Variants in SCN7A observed in about 807,000 individuals in gnomAD.
SCN7A encodes sodium voltage-gated channel alpha subunit 7.
A neutral mutation model predicts 155.2 loss-of-function variants in SCN7A; 138 were observed. The observed-to-expected ratio is 0.89, with a 90% CI of 0.77 to 1.02. The LOEUF is 1.02. SCN7A is among the 50% of genes least tolerant of loss of function. The pLI is 0.00. For synonymous variants in SCN7A, 693 were observed against 649.0 expected (o/e 1.07, Z -1.03); for missense variants, 2,058 against 1,986.6 (o/e 1.04, Z -0.68).
At chr2:166,493,586 C>G (rs1683162748) in intron 1 of SCN7A, among the ~76,000 whole-genome samples, 2 of 152,188 alleles carry the variant, frequency 1.3e-5, no homozygotes, top group African/African-American at 4.8e-5. Flanking sequence ...AGATAGGATT[C>G]TTAGAAGAAG....
chr2:166,480,852 A>G (rs1337317699), intron 2 of SCN7A, among the ~76,000 whole-genome samples: 2 of 152,308 alleles, frequency 1.3e-5, no homozygotes, highest in Non-Finnish European at 2.9e-5. Context: ...TTTTACGTGA[A>G]CCAATCCTAT....
chr2:166,439,921 C>A (rs1575027845), intron 15 of SCN7A, among the ~76,000 whole-genome samples: 1 of 152,062 alleles, frequency 6.6e-6, no homozygotes, highest in Non-Finnish European at 1.5e-5. Context: ...TGAGTCTAAC[C>A]TGCGATTTTT....
chr2:166,405,774 T>A lies in SCN7A; in HGVS notation c.4855A>T (p.Thr1619Ser). 6 of 1,613,002 alleles carry A rather than the reference T, an allele frequency of 3.7e-6. No individual in the cohort carries two copies. Among genetic ancestry groups the A allele is most frequent in the Non-Finnish European group, 4.2e-6 (5 of 1,179,354 alleles). Residue 1619 changes from threonine (T) to serine (S), a missense_variant, in exon 26 of 26, where the codon ACT becomes TCT. Coordinates refer to ENST00000643258, the MANE Select transcript of SCN7A (RefSeq NM_002976.4). ...FKITCEPITT[T>S]LKRKQEAVSA... Reference sequence around the variant, plus strand: ...ACTGCCTCTTGTTTTCGTTTCAAAGTAGTCGTAATTGGCTCACATGTGATC... The same window carrying A: ...ACTGCCTCTTGTTTTCGTTTCAAAGAAGTCGTAATTGGCTCACATGTGATC...
At chr2:166,408,428 A>C (rs1275331964) in intron 25 of SCN7A, among the ~76,000 whole-genome samples, 2 of 152,000 alleles carry the variant, frequency 1.3e-5, no homozygotes, top group Non-Finnish European at 2.9e-5. Context: ...CTACATTTAT[A>C]ATCACATTCT....
chr2:166,439,257 G>C (rs1199365698), intron 15 of SCN7A, among the ~76,000 whole-genome samples: 1 of 151,790 alleles, frequency 6.6e-6, no homozygotes, highest in Non-Finnish European at 1.5e-5. Context: ...ATCTCCAGCT[G>C]TAAGAGAGAG....
At chr2:166,481,943 C>T (rs1702938781) in intron 2 of SCN7A, among the ~76,000 whole-genome samples, 1 of 152,128 alleles carries the variant, frequency 6.6e-6, no homozygotes. Flanking sequence ...TTTCTAATAG[C>T]TGTCAAAAAT....
chr2:166,426,519 A>G (rs577869603), intron 18 of SCN7A, among the ~76,000 whole-genome samples: 14 of 152,258 alleles, frequency 9.2e-5, no homozygotes, highest in South Asian at 2.1e-4. Flanking sequence ...TCAACTAGTA[A>G]GAAAGAAAGA....
intron 11 of SCN7A, among the ~76,000 whole-genome samples, chr2:166,447,917 T>C (rs867150202): frequency 1.4e-4 from 21 of 152,240 alleles, no homozygotes; most frequent in Non-Finnish European, 2.8e-4. Flanking sequence ...GTCAGGTTAA[T>C]TGGAATACAT....
At chr2:166,475,149 C>T (rs1450284342) in intron 3 of SCN7A, among the ~76,000 whole-genome samples, 2 of 101,468 alleles carry the variant, frequency 2.0e-5, no homozygotes, top group South Asian at 3.2e-4. Flanking sequence ...CACACACACA[C>T]ATTCAGTGAA....
chr2:166,472,569 T>G, intron 5 of SCN7A, 124 bp from the exon 6 acceptor site: 2 of 790,560 alleles, frequency 2.5e-6, no homozygotes, highest in African/African-American at 1.8e-5. Context: ...AGACCAGGTC[T>G]ACTTGGTAGG....
intron 3 of SCN7A, among the ~76,000 whole-genome samples, chr2:166,476,407 C>T (rs1702798532): frequency 6.6e-6 from 1 of 151,992 alleles, no homozygotes; most frequent in African/African-American, 2.4e-5. Context: ...CATCACCTCC[C>T]TCGAATTTGA....
chr2:166,426,826 C>A (rs1701634775), intron 18 of SCN7A, among the ~76,000 whole-genome samples: 1 of 151,862 alleles, frequency 6.6e-6, no homozygotes, highest in African/African-American at 2.4e-5. Flanking sequence ...TGCTGCACAC[C>A]CATGGAGAGT....
chr2:166,431,020 T>C (rs1399949338), intron 16 of SCN7A, among the ~76,000 whole-genome samples: 4 of 152,154 alleles, frequency 2.6e-5, no homozygotes, highest in Admixed American at 6.6e-5. Context: ...AACTGCAATT[T>C]CAATATTTAC....
At chr2:166,460,672 CTT>C (rs1702383748) in intron 10 of SCN7A, among the ~76,000 whole-genome samples, 1 of 151,910 alleles carries the variant, frequency 6.6e-6, no homozygotes, top group Non-Finnish European at 1.5e-5. Context: ...TAGGAGGAAA[CTT>C]AAATTTAGGG....
intron 2 of SCN7A, among the ~76,000 whole-genome samples, chr2:166,478,290 A>G (rs1298711519): frequency 6.7e-6 from 1 of 150,162 alleles, no homozygotes; most frequent in East Asian, 1.9e-4. Context: ...CCTAGAACTT[A>G]AAGTATAATA....
At position 166,432,793 on chromosome 2, in the gene SCN7A, T is replaced by G. The variant is rs762367977; in HGVS notation, c.2158-41A>C. ...AAATGAGGCTAAATGTATCTCATTT[T>G]GTTTCATTTTAAGTAATGAAAAGTT... On this transcript the variant is annotated intron_variant, in intron 15 of 25. Coordinates refer to ENST00000643258, the MANE Select transcript of SCN7A (RefSeq NM_002976.4). 9 of 1,402,366 alleles carry G rather than the reference T, an allele frequency of 6.4e-6. No homozygotes were observed. The Admixed American group carries it at 8.7e-5, about 14-fold the overall frequency. 86.9% of individuals were successfully genotyped at this position (1,402,366 alleles called of 1,614,324 possible). A position where few individuals can be genotyped will look rare whatever the true frequency, so the allele number is the denominator to read the frequency against.
chr2:166,414,231 TA>T (rs1701294414), intron 21 of SCN7A, among the ~76,000 whole-genome samples: 10 of 86,564 alleles, frequency 1.2e-4, no homozygotes, highest in African/African-American at 3.8e-4. Context: ...TAAATATATA[TA>T]TCTATATATG....
rs755421028 is a variant in SCN7A at position 166,412,542 on chromosome 2, CTTG to C, written c.3591_3593del (p.Asn1197del). On this transcript the variant is annotated inframe_deletion, in exon 23 of 26. Coordinates refer to ENST00000643258, the MANE Select transcript of SCN7A (RefSeq NM_002976.4). Reference sequence around the variant, plus strand: ...TATTTATACTTATCTTTATTTTATGCTTGTTGAAATTATCAATAATAACAGTAA... The same window carrying C: ...TATTTATACTTATCTTTATTTTATGCTTGAAATTATCAATAATAACAGTAA... 3.3e-5 allele frequency: 48 copies of C among 1,473,596 alleles called. No individual in the cohort carries two copies. The South Asian group carries it at 6.7e-4, about 20-fold the overall frequency. The allele number at this position is 1,473,596 out of a possible 1,614,324, so 91.3% of individuals were successfully genotyped here. A position where few individuals can be genotyped will look rare whatever the true frequency, so the allele number is the denominator to read the frequency against.
intron 20 of SCN7A, among the ~76,000 whole-genome samples, chr2:166,417,372 C>G (rs1701402779): frequency 6.6e-6 from 1 of 152,074 alleles, no homozygotes; most frequent in South Asian, 2.1e-4. Flanking sequence ...ACTCGGGAGG[C>G]TGAGGCAGGA....
Sources: allele counts gnomAD v4.1 joint callset (sites outside exome capture counted in the v4.1 genomes callset), GRCh38; gene constraint gnomAD v4.1.1; transcripts MANE v1.5; gene names NCBI Gene and HGNC (gene_info 2026-07-23, HGNC 2026-07-21).